The following RTKN2 variants were observed in gnomAD, a reference collection of about 807,000 sequenced individuals.
The protein encoded by RTKN2 is rhotekin-2.
In RTKN2, 69 loss-of-function variants were observed where a neutral mutation model predicts 71.5. The observed-to-expected ratio is 0.96, with a 90% confidence interval of 0.79 to 1.18. RTKN2 has a LOEUF of 1.18. RTKN2 is among the 50% of genes most tolerant of loss of function. The pLI is 0.00. For synonymous variants in RTKN2, 236 were observed against 236.5 expected, an observed-to-expected ratio of 1.00 and a Z score of 0.02; for missense variants, 724 against 719.7, an observed-to-expected ratio of 1.01 and a Z score of -0.07.
At chr10:62,246,646 T>C (rs1239126902) in intron 2 of RTKN2, among the ~76,000 whole-genome samples, 3 of 152,056 alleles carry the variant, frequency 2.0e-5, no homozygotes, top group East Asian at 3.8e-4. Context: ...AGTAGCTCTG[T>C]AGACAGAATA....
chr10:62,268,085 C>T (rs1842898238), intron 1 of RTKN2, among the ~76,000 whole-genome samples: 1 of 152,214 alleles, frequency 6.6e-6, no homozygotes, highest in Non-Finnish European at 1.5e-5. Context: ...TTTGCCTCTA[C>T]TCCGCTCCGA....
chr10:62,239,505 A>G (rs1169377000), intron 5 of RTKN2, 143 bp downstream of exon 5: 1 of 466,772 alleles, frequency 2.1e-6, no homozygotes, highest in Non-Finnish European at 3.8e-6. Context: ...GAACAAAATG[A>G]TTTTTAAAAT....
At chr10:62,229,083 C>A (rs1333654424) in intron 6 of RTKN2, among the ~76,000 whole-genome samples, 1 of 152,214 alleles carries the variant, frequency 6.6e-6, no homozygotes, top group Non-Finnish European at 1.5e-5. Flanking sequence ...CTTGCTTCTT[C>A]ATCTATTCCT....
rs1172009223 is a variant in RTKN2, at chr10:62,268,791, T to C, written c.-181A>G. 3.4e-6 allele frequency: 2 copies of C among 594,250 alleles called. No homozygotes were observed. The highest frequency in any genetic ancestry group is 2.0e-5 in the African/African-American group (1 of 50,080). 36.8% of individuals were successfully genotyped at this position (594,250 alleles called of 1,614,324 possible). A position where few individuals can be genotyped will look rare whatever the true frequency, so the allele number is the denominator to read the frequency against. ...CGCGCAGTGGGCGCGCCTTGCGCTC[T>C]GCAGCTCCCGCCGCCGGAAGTTGCC... is the stretch of plus-strand genomic sequence containing the variant. On this transcript the variant is annotated 5_prime_UTR_variant, in exon 1 of 12. Transcript: ENST00000373789.
intron 8 of RTKN2, among the ~76,000 whole-genome samples, chr10:62,188,015 AAC>A (rs776511911): frequency 2.7e-3 from 415 of 152,358 alleles, no homozygotes; most frequent in Non-Finnish European, 4.5e-3. Flanking sequence ...ATACAAATGA[AAC>A]AGTTTCAAGT....
At chr10:62,213,750 T>C (rs1841710619) in intron 9 of RTKN2, among the ~76,000 whole-genome samples, 2 of 152,090 alleles carry the variant, frequency 1.3e-5, no homozygotes, top group Admixed American at 1.3e-4. Flanking sequence ...AATGTAAATA[T>C]GACAAAATGT....
chr10:62,216,473 CGTGAG>C lies in RTKN2; in HGVS notation c.1020+640_1020+644del, dbSNP rs372194999. ...TAACAGACAAAGCTAAATTTAAGACCGTGAGGTAGAAGAAACTAAGTTTGCCTTAT... is the reference window on the plus strand; with the variant it reads ...TAACAGACAAAGCTAAATTTAAGACCGTAGAAGAAACTAAGTTTGCCTTAT... On this transcript the variant is annotated intron_variant, in intron 9 of 11. Transcript: ENST00000373789. Among the ~76,000 whole-genome samples, 1,154 of 152,014 alleles carry C rather than the reference CGTGAG, an allele frequency of 7.6e-3. 12 individuals are homozygous for C. Among genetic ancestry groups the C allele is most frequent in the African/African-American group, 0.027 (1,108 of 41,516 alleles).
At chr10:62,186,781 T>A (rs1841143218) in intron 8 of RTKN2, among the ~76,000 whole-genome samples, 1 of 152,214 alleles carries the variant, frequency 6.6e-6, no homozygotes, top group South Asian at 2.1e-4. Context: ...CTAAACCCTA[T>A]GAATAAATCC....
At chr10:62,229,228 G>C (rs1017427112) in intron 6 of RTKN2, among the ~76,000 whole-genome samples, 1 of 152,218 alleles carries the variant, frequency 6.6e-6, no homozygotes, top group South Asian at 2.1e-4. Flanking sequence ...CTAAGTTGGA[G>C]TCAGAGTACT....
intron 8 of RTKN2, among the ~76,000 whole-genome samples, chr10:62,186,140 CTTTG>C (rs1841132870): frequency 6.6e-6 from 1 of 152,334 alleles, no homozygotes; most frequent in African/African-American, 2.4e-5. Flanking sequence ...GTGCCTTTGC[CTTTG>C]TTTGCTCCAT....
intron 4 of RTKN2, among the ~76,000 whole-genome samples, chr10:62,240,894 A>G (rs546467371): frequency 1.3e-5 from 2 of 152,254 alleles, no homozygotes; most frequent in Admixed American, 1.3e-4. Context: ...CCCACTCTGA[A>G]CCCGGTACTT....
chr10:62,233,633 A>C (rs1842196778), intron 6 of RTKN2, among the ~76,000 whole-genome samples: 1 of 152,180 alleles, frequency 6.6e-6, no homozygotes, highest in Non-Finnish European at 1.5e-5. Context: ...TGTAAATAGT[A>C]AGGGTTAAGA....
At chr10:62,221,695 T>C (rs1294146100) in intron 7 of RTKN2, among the ~76,000 whole-genome samples, 1 of 152,192 alleles carries the variant, frequency 6.6e-6, no homozygotes, top group Non-Finnish European at 1.5e-5. Context: ...TCATACCTCT[T>C]GTAGTAATAT....
Position 62,268,694 on chromosome 10 carries a change from C to T in RTKN2, c.-84G>A. 7.2e-7 allele frequency: 1 copy of T among 1,388,232 alleles called. No individual in the cohort carries two copies. The highest frequency in any genetic ancestry group is 9.9e-7 in the Non-Finnish European group (1 of 1,012,638). The allele number at this position is 1,388,232 out of a possible 1,614,324, so 86.0% of individuals were successfully genotyped here. ...CGCCCCTGGCAGGAGCCGCAGAGGA[C>T]GCCAACCGCCCGGCCGTACCAAGTC... is the stretch of plus-strand genomic sequence containing the variant. On this transcript the variant is annotated 5_prime_UTR_variant, in exon 1 of 12. Transcript: ENST00000373789.
chr10:62,198,282 C>T lies in RTKN2; in HGVS notation c.1456G>A (p.Val486Ile). 1 of 1,613,702 alleles carries T rather than the reference C, an allele frequency of 6.2e-7. No individual in the cohort carries two copies. The highest frequency in any genetic ancestry group is 1.3e-5 in the African/African-American group (1 of 74,854). The change falls in exon 12 of 12, where the codon GTA becomes ATA. Residue 486 changes from valine (V) to isoleucine (I), a missense_variant. Coordinates refer to ENST00000373789, the MANE Select transcript of RTKN2 (RefSeq NM_145307.4). ...GNHQMVIQKKVLYPASEPLHD... is the reference protein window; with the variant it reads ...GNHQMVIQKKILYPASEPLHD... ...AATGGCTCACTTGCAGGATACAGTA[C>T]CTTTTTCTGGATGACCATTTGATGG...
chr10:62,227,889 GGA>G (rs552363701), intron 6 of RTKN2, among the ~76,000 whole-genome samples: 80 of 152,262 alleles, frequency 5.3e-4, no homozygotes, highest in African/African-American at 1.7e-3. Context: ...GTGAAAGCAG[GGA>G]GAGAATTAAA....
intron 1 of RTKN2, among the ~76,000 whole-genome samples, chr10:62,266,238 A>G (rs1842866488): frequency 6.6e-6 from 1 of 152,336 alleles, no homozygotes; most frequent in Non-Finnish European, 1.5e-5. Context: ...ACAGAAACCT[A>G]CTAGGTTTTA....
chr10:62,248,837 C>G (rs566511204), intron 2 of RTKN2, among the ~76,000 whole-genome samples: 1 of 152,186 alleles, frequency 6.6e-6, no homozygotes, highest in Admixed American at 6.5e-5. Context: ...CCAAAATTAA[C>G]AAGTTATAAT....
At chr10:62,187,283 A>AG (rs1423095397) in intron 8 of RTKN2, among the ~76,000 whole-genome samples, 1 of 151,928 alleles carries the variant, frequency 6.6e-6, no homozygotes, top group African/African-American at 2.4e-5. Flanking sequence ...ATCACAAAAA[A>AG]AAAAAAAAGA....
Sources: allele counts gnomAD v4.1 joint callset (sites outside exome capture counted in the v4.1 genomes callset), GRCh38; gene constraint gnomAD v4.1.1; transcripts MANE v1.5; gene names NCBI Gene and HGNC (gene_info 2026-07-23, HGNC 2026-07-21).